Variants in TFB2M observed in about 807,000 individuals in gnomAD.
The protein encoded by TFB2M is dimethyladenosine transferase 2, mitochondrial.
A neutral mutation model predicts 41.3 loss-of-function variants in TFB2M; 44 were observed. The observed-to-expected ratio is 1.07, with a 90% CI of 0.84 to 1.37. TFB2M has a LOEUF of 1.37. TFB2M is among the 40% of genes most tolerant of loss of function. The pLI is 0.00. For missense variants in TFB2M, 496 were observed against 490.2 expected (o/e 1.01, Z -0.11); for synonymous variants, 188 against 176.8 (o/e 1.06, Z -0.50).
Position 246,557,430 on chromosome 1 carries a change from A to G in TFB2M, c.507T>C (p.Ser169=). The G allele has an allele frequency of 6.2e-7, 1 of 1,613,800 alleles. No individual in the cohort carries two copies. The highest frequency in any genetic ancestry group is 8.5e-7 in the Non-Finnish European group (1 of 1,179,914). The change falls in exon 3 of 8, where the codon TCT becomes TCC. Residue 169 remains serine (S), a synonymous_variant. Transcript: ENST00000366514. ...TTCCCAAATTCTTAAAGAGCCCTCG[A>G]GAAGACATAGCAGGTGGTTTTATTA... ...GGVIKPPAMS[S]RGLFKNLGIE... is the part of the protein sequence containing the mutation.
At chr1:246,544,996 G>T (rs187529174) in intron 6 of TFB2M, among the ~76,000 whole-genome samples, 34 of 151,858 alleles carry the variant, frequency 2.2e-4, no homozygotes, top group Middle Eastern at 3.4e-3. Flanking sequence ...TAGTAGAGAT[G>T]GGGTTTCACC....
At chr1:246,555,347 G>A (rs1659293588) in intron 4 of TFB2M, among the ~76,000 whole-genome samples, 1 of 152,170 alleles carries the variant, frequency 6.6e-6, no homozygotes, top group Non-Finnish European at 1.5e-5. Context: ...CAACACTTTA[G>A]GAGGCTGAGG....
rs189318553 is a variant in TFB2M, at chr1:246,555,370, T to C, written c.705+1203A>G. On this transcript the variant is annotated intron_variant, in intron 4 of 7. Coordinates refer to ENST00000366514, the MANE Select transcript of TFB2M (RefSeq NM_022366.3). ...TAGGAGGCTGAGGCAGGAGGACTGC[T>C]TGAGTCCCAGAGTTGGAGGCCAGCC... Among the ~76,000 whole-genome samples the C allele has an allele frequency of 1.4e-3, 208 of 152,278 alleles. 1 individual carries two copies. The highest frequency in any genetic ancestry group is 4.8e-3 in the African/African-American group (199 of 41,558).
At chr1:246,558,304 G>A (rs1026823137) in intron 2 of TFB2M, among the ~76,000 whole-genome samples, 1 of 151,712 alleles carries the variant, frequency 6.6e-6, no homozygotes, top group Admixed American at 6.6e-5. Flanking sequence ...ATACCATCAC[G>A]CCCCACCAAT....
chr1:246,551,715 T>C (rs1283358681), intron 4 of TFB2M, among the ~76,000 whole-genome samples: 1 of 152,186 alleles, frequency 6.6e-6, no homozygotes, highest in African/African-American at 2.4e-5. Flanking sequence ...ACACAAGTGT[T>C]AAGGCTGACT....
Position 246,565,934 on chromosome 1 carries a change from A to G in TFB2M, c.205T>C (p.Leu69=). 6.2e-7 allele frequency: 1 copy of G among 1,614,194 alleles called. No homozygotes were observed. The highest frequency in any genetic ancestry group is 8.5e-7 in the Non-Finnish European group (1 of 1,180,028). The change falls in exon 1 of 8, where the codon TTA becomes CTA. Residue 69 remains leucine, a synonymous_variant. Transcript: ENST00000366514. ...NPPRKASKAS[L]DFKRYVTDRR... ...TCGGTTACGTAACGCTTAAAGTCTA[A>G]GCTGGCCTTAGACGCCTTCCTTGGC...
At chr1:246,541,913 G>A (rs1358955635) in intron 7 of TFB2M, among the ~76,000 whole-genome samples, 1 of 152,154 alleles carries the variant, frequency 6.6e-6, no homozygotes, top group Non-Finnish European at 1.5e-5. Context: ...GTCATGCATT[G>A]CTTAATGATG....
Position 246,541,132 on chromosome 1 carries a change from T to C in TFB2M, c.1090A>G (p.Asn364Asp). 3 of 1,614,184 alleles carry C rather than the reference T, an allele frequency of 1.9e-6. No individual in the cohort carries two copies. Among genetic ancestry groups the C allele is most frequent in the Non-Finnish European group, 2.5e-6 (3 of 1,180,014 alleles). Residue 364 changes from asparagine (N) to aspartate (D), a missense_variant, in exon 8 of 8, where the codon AAC becomes GAC. Coordinates refer to ENST00000366514, the MANE Select transcript of TFB2M (RefSeq NM_022366.3). ...IGKQEDEKVV[N>D]MHPQDFKTLF... The stretch of plus-strand genomic sequence containing the variant: ...GTTTTGAAGTCTTGAGGGTGCATGT[T>C]AACTACTTTCTCATCCTCCTGTTTT...
chr1:246,563,823 C>T (rs1572093626), intron 2 of TFB2M, among the ~76,000 whole-genome samples: 1 of 152,230 alleles, frequency 6.6e-6, no homozygotes, highest in South Asian at 2.1e-4. Context: ...GGGTCCCATC[C>T]CCAAGATATC....
In TFB2M at chr1:246,566,002, T is replaced by A. The variant is rs776289347; in HGVS notation, c.137A>T (p.Asp46Val). Residue 46 changes from aspartate to valine, a missense_variant, in exon 1 of 8, where the codon GAC becomes GTC. Coordinates refer to ENST00000366514, the MANE Select transcript of TFB2M (RefSeq NM_022366.3). Reference sequence around the variant, plus strand: ...TTCGGGCCACAGCTGCGGAGAGGAGTCAGAGAGCCCACAGTGGTTCCTCGC... The same window carrying A: ...TTCGGGCCACAGCTGCGGAGAGGAGACAGAGAGCCCACAGTGGTTCCTCGC... ...LPARNHCGLS[D>V]SSPQLWPEPD... The A allele has an allele frequency of 6.2e-7, 1 of 1,613,652 alleles. No individual in the cohort carries two copies. Among genetic ancestry groups the A allele is most frequent in the South Asian group, 1.1e-5 (1 of 91,058 alleles).
chr1:246,565,297 CATGTTTTATCAA>C (rs1659591752), intron 1 of TFB2M, among the ~76,000 whole-genome samples: 1 of 152,188 alleles, frequency 6.6e-6, no homozygotes, highest in Non-Finnish European at 1.5e-5. Flanking sequence ...GATCTAAGAG[CATGTTTTATCAA>C]AATATTGTGT....
At position 246,564,452 on chromosome 1, in the gene TFB2M, C is replaced by G; in HGVS notation, c.314-18G>C. Reference sequence around the variant, plus strand: ...TCCAGGACCTGGCACATTAACAGAACGAAAAGTTTATTTGTACAAGAAACA... The same window carrying G: ...TCCAGGACCTGGCACATTAACAGAAGGAAAAGTTTATTTGTACAAGAAACA... On this transcript the variant is annotated intron_variant, in intron 1 of 7. Coordinates refer to ENST00000366514, the MANE Select transcript of TFB2M (RefSeq NM_022366.3). The G allele has an allele frequency of 6.2e-7, 1 of 1,608,952 alleles. No homozygotes were observed. The highest frequency in any genetic ancestry group is 8.5e-7 in the Non-Finnish European group (1 of 1,175,806).
chr1:246,564,202 G>A, intron 2 of TFB2M, 144 bp downstream of exon 2: 1 of 668,440 alleles, frequency 1.5e-6, no homozygotes, highest in Non-Finnish European at 2.6e-6. Flanking sequence ...CTGTGTTCTA[G>A]TCTTTGGGAA....
chr1:246,556,860 T>G, intron 3 of TFB2M, 139 bp from the exon 4 acceptor site: 1 of 738,386 alleles, frequency 1.4e-6, no homozygotes, highest in Admixed American at 3.8e-5. Flanking sequence ...CTCAATATCT[T>G]TCCTTGGCAT....
chr1:246,541,351 GAGGATGGGAGGAGGGTGA>G (rs531247727), intron 7 of TFB2M, 149 bp from the exon 8 acceptor site: 92 of 704,476 alleles, frequency 1.3e-4, no homozygotes, highest in East Asian at 1.1e-3. Context: ...CAGCAGGGAA[GAGGATGGGAGGAGGGTGA>G]AGGATGGGAG....
At chr1:246,564,536 A>AAATCTGAC in intron 1 of TFB2M, 102 bp from the exon 2 acceptor site, 1 of 1,050,586 alleles carries the variant, frequency 9.5e-7, no homozygotes, top group Admixed American at 2.1e-5. Flanking sequence ...CCTGGTTTTT[A>AAATCTGAC]AATCTGACAG....
intron 3 of TFB2M, among the ~76,000 whole-genome samples, chr1:246,557,022 C>T (rs1659341961): frequency 6.6e-6 from 1 of 151,894 alleles, no homozygotes; most frequent in Non-Finnish European, 1.5e-5. Flanking sequence ...ATCTGTAATC[C>T]CAGCACTTTG....
chr1:246,545,872 A>C (rs1325640284), intron 6 of TFB2M, among the ~76,000 whole-genome samples: 1 of 151,564 alleles, frequency 6.6e-6, no homozygotes, highest in African/African-American at 2.4e-5. Context: ...CTCAGCTGCA[A>C]AGCAAGTCCA....
At chr1:246,550,776 G>A (rs1384733201) in intron 5 of TFB2M, among the ~76,000 whole-genome samples, 8 of 152,148 alleles carry the variant, frequency 5.3e-5, no homozygotes, top group Non-Finnish European at 7.4e-5. Context: ...CCAGCTACTC[G>A]GGAGGCCGAG....
Sources: allele counts gnomAD v4.1 joint callset (sites outside exome capture counted in the v4.1 genomes callset), GRCh38; gene constraint gnomAD v4.1.1; transcripts MANE v1.5; gene names NCBI Gene and HGNC (gene_info 2026-07-23, HGNC 2026-07-21).